The following TAPBPL variants were observed in gnomAD, a reference collection of about 807,000 sequenced individuals.
TAPBPL encodes the protein tapasin-related protein.
TAPBPL carries 32 observed loss-of-function variants against 44.8 expected under a neutral mutation model. The observed-to-expected ratio is 0.71, with a 90% CI of 0.54 to 0.96. The LOEUF is 0.96. TAPBPL is among the 40% of genes least tolerant of loss of function. The pLI is 0.00. For missense variants in TAPBPL, 520 were observed against 586.6 expected (o/e 0.89, Z 1.17); for synonymous variants, 230 against 240.7 (o/e 0.96, Z 0.41).
In TAPBPL at chr12:6,457,553, T is replaced by C. The variant is rs1359157851; in HGVS notation, c.713T>C (p.Val238Ala). Residue 238 changes from valine (V) to alanine (A), a missense_variant, in exon 4 of 7, where the codon GTG becomes GCG. Val to Ala is a moderately conservative substitution (Grantham distance 64). Coordinates refer to ENST00000266556, the MANE Select transcript of TAPBPL (RefSeq NM_018009.5). Reference protein sequence around the residue: ...RLQHKGRGQLVYSWTAGQGQA... With the variant: ...RLQHKGRGQLAYSWTAGQGQA... ...CAGCACAAGGGCAGGGGTCAGTTGG[T>C]GTACAGCTGGACCGCAGGGCAGGGG... The C allele has an allele frequency of 6.2e-7, 1 of 1,614,196 alleles. No homozygotes were observed. Among genetic ancestry groups the C allele is most frequent in the Middle Eastern group, 1.6e-4 (1 of 6,062 alleles).
chr12:6,452,180 G>C lies in TAPBPL; in HGVS notation c.-69G>C, dbSNP rs529561576. The C allele has an allele frequency of 1.3e-6, 2 of 1,537,166 alleles. No homozygotes were observed. Among genetic ancestry groups the C allele is most frequent in the Non-Finnish European group, 1.8e-6 (2 of 1,134,848 alleles). ...GCTTGGAGAGCCCCCTTCTTCCGCC[G>C]GGCCTCGCAAGCAGCGTAGGACTGT... On this transcript the variant is annotated 5_prime_UTR_variant, in exon 1 of 7. Coordinates refer to ENST00000266556, the MANE Select transcript of TAPBPL (RefSeq NM_018009.5).
In TAPBPL at chr12:6,453,263, C is replaced by T. The variant is rs1435793921; in HGVS notation, c.261C>T (p.Ala87=). The T allele has an allele frequency of 6.2e-7, 1 of 1,614,044 alleles. No individual in the cohort carries two copies. Among genetic ancestry groups the T allele is most frequent in the East Asian group, 2.2e-5 (1 of 44,870 alleles). The part of the protein sequence containing the change: ...DFTDFQGGTL[A]QDDPPIIFEA... ...CCGATTTCCAAGGGGGCACACTGGC[C>T]CAAGATGACCCACCTATTATCTTTG... Residue 87 remains alanine (A), a synonymous_variant, in exon 2 of 7, where the codon GCC becomes GCT. Transcript: ENST00000266556. This position sits in a 1 kb window ranked among gnomAD's most constrained non-coding sequence, Gnocchi z 4.8.
intron 5 of TAPBPL, among the ~76,000 whole-genome samples, chr12:6,459,804 T>C (rs1949801059): frequency 6.6e-6 from 1 of 152,086 alleles, no homozygotes; most frequent in Non-Finnish European, 1.5e-5. Flanking sequence ...AGAATCTTGC[T>C]CTGTTCCCCA....
chr12:6,463,690 T>G, downstream of TAPBPL: 1 of 1,105,428 alleles, frequency 9.0e-7, no homozygotes, highest in Non-Finnish European at 1.1e-6. This position sits in a 1 kb window ranked among gnomAD's most constrained non-coding sequence, Gnocchi z 4.0. Context: ...GCTAGATGGA[T>G]TTATTTGGTG....
the TAPBPL span, among the ~76,000 whole-genome samples, chr12:6,471,784 G>A: frequency 6.6e-6 from 1 of 151,800 alleles, no homozygotes; most frequent in South Asian, 2.1e-4. The surrounding 1 kb of genome is among the most constrained non-coding windows in gnomAD (Gnocchi z 4.0). Flanking sequence ...CCGAGATCAC[G>A]CCACTGCACT....
downstream of TAPBPL, chr12:6,464,622 A>G: frequency 1.4e-6 from 2 of 1,456,340 alleles, no homozygotes; most frequent in South Asian, 1.5e-5. Context: ...TCTCCCTCCA[A>G]CCCAAGCCAG....
chr12:6,457,824 C>A, intron 4 of TAPBPL, 80 bp downstream of exon 4: 2 of 1,393,536 alleles, frequency 1.4e-6, no homozygotes, highest in Non-Finnish European at 1.9e-6. Flanking sequence ...GACCCAAATG[C>A]AAGAATGATT....
At chr12:6,466,469 G>T, downstream of TAPBPL, 1 of 1,197,856 alleles carries the variant, frequency 8.3e-7, no homozygotes, top group Non-Finnish European at 1.1e-6. Flanking sequence ...GAGCGCTTGA[G>T]CCCAGGAGTT....
At chr12:6,470,627 A>C (rs963558508), downstream of TAPBPL, 7 of 1,544,116 alleles carry the variant, frequency 4.5e-6, no homozygotes, top group Non-Finnish European at 6.2e-6. Context: ...GGAACTGCCA[A>C]GCTCCGCCTC....
chr12:6,453,602 G>C lies in TAPBPL; in HGVS notation c.451G>C (p.Gly151Arg), dbSNP rs7295376. 0.02 allele frequency: 32,098 copies of C among 1,613,942 alleles called. 1,090 individuals are homozygous for C. Among genetic ancestry groups the C allele is most frequent in the East Asian group, 0.15 (6,786 of 44,886 alleles). The change falls in exon 3 of 7, where the codon GGG becomes CGG. Residue 151 changes from glycine to arginine, a missense_variant. Coordinates refer to ENST00000266556, the MANE Select transcript of TAPBPL (RefSeq NM_018009.5). This position sits in a 1 kb window ranked among gnomAD's most constrained non-coding sequence, Gnocchi z 4.8. The part of the protein sequence containing the change: ...WFMANMQVSG[G>R]GPSISLVMKT... ...CATGGCCAACATGCAGGTCTCTGGA[G>C]GGGGACCTAGCATCTCCTTGGTGAT...
intron 1 of TAPBPL, 126 bp downstream of exon 1, chr12:6,452,438 A>T: frequency 1.3e-6 from 1 of 753,244 alleles, no homozygotes; most frequent in Non-Finnish European, 1.8e-6. Context: ...TAAGCCCAAC[A>T]GGGGAAAGGC....
In TAPBPL at chr12:6,452,118, C is replaced by G; in HGVS notation, c.-131C>G. ...AAAGAAAAGTCGGCAGCAGAGGGAA[C>G]AGGGAAGAAACCTAAAGGCTGCAGG... On this transcript the variant is annotated 5_prime_UTR_variant, in exon 1 of 7. Coordinates refer to ENST00000266556, the MANE Select transcript of TAPBPL (RefSeq NM_018009.5). 8.9e-7 allele frequency: 1 copy of G among 1,119,808 alleles called. No individual in the cohort carries two copies. The highest frequency in any genetic ancestry group is 1.6e-5 in the African/African-American group (1 of 64,500). The allele number at this position is 1,119,808 out of a possible 1,614,324, so 69.4% of individuals were successfully genotyped here.
intron 1 of TAPBPL, chr12:6,452,769 T>C: frequency 1.7e-6 from 1 of 593,654 alleles, no homozygotes; most frequent in Non-Finnish European, 2.8e-6. Flanking sequence ...TTTCTGAGAA[T>C]TCCTTTGACT....
chr12:6,457,759 T>C lies in TAPBPL; in HGVS notation c.904+15T>C, dbSNP rs750255175. On this transcript the variant is annotated intron_variant, in intron 4 of 6. Transcript: ENST00000266556. ...CAACATCCAAGGTGAGGCCAGGACA[T>C]GGTTATCCCAGGGAAGGGGATATAA... 1.9e-6 allele frequency: 3 copies of C among 1,552,810 alleles called. No homozygotes were observed. Among genetic ancestry groups the C allele is most frequent in the Admixed American group, 1.8e-5 (1 of 54,324 alleles).
chr12:6,471,807 A>G, the TAPBPL span, among the ~76,000 whole-genome samples: 53 of 148,118 alleles, frequency 3.6e-4, no homozygotes, highest in Admixed American at 3.4e-4. This position sits in a 1 kb window ranked among gnomAD's most constrained non-coding sequence, Gnocchi z 4.0. Context: ...AGCCTGGGCA[A>G]CAGAGCAAGA....
At chr12:6,464,084 G>C, downstream of TAPBPL, 1 of 1,305,350 alleles carries the variant, frequency 7.7e-7, no homozygotes, top group Non-Finnish European at 1.0e-6. Flanking sequence ...AGGTTTTCTA[G>C]AAGTCACCAT....
intron 5 of TAPBPL, among the ~76,000 whole-genome samples, chr12:6,460,246 G>T (rs541102971): frequency 1.2e-4 from 19 of 152,004 alleles, no homozygotes; most frequent in Admixed American, 2.6e-4. Context: ...GTTAACTGGT[G>T]GTTTTTTGTT....
At chr12:6,465,421 T>TATATAAATGTATATATATGTGTATAC (rs1438866295), downstream of TAPBPL, 2 of 121,646 alleles carry the variant, frequency 1.6e-5, no homozygotes, top group Non-Finnish European at 3.1e-5. Context: ...TATGTATATA[T>TATATAAATGTATATATATGTGTATAC]ATATATAAAT....
chr12:6,462,633 CAG>C, downstream of TAPBPL: 1 of 660,564 alleles, frequency 1.5e-6, no homozygotes, highest in Non-Finnish European at 2.6e-6. Flanking sequence ...CTCAGAGGGA[CAG>C]AAACCCAGGA....
Sources: allele counts gnomAD v4.1 joint callset (sites outside exome capture counted in the v4.1 genomes callset), GRCh38; gene constraint gnomAD v4.1.1; non-coding constraint Gnocchi (gnomAD v3.1); transcripts MANE v1.5; gene names NCBI Gene and HGNC (gene_info 2026-07-23, HGNC 2026-07-21).